Variants in OR7G2 observed in about 807,000 individuals in gnomAD.
OR7G2 encodes the protein olfactory receptor family 7 subfamily G member 2, also known as olfactory receptor 7G2.
For synonymous variants in OR7G2, 153 were observed against 152.2 expected, an observed-to-expected ratio of 1.01 and a Z score of -0.04; for missense variants, 362 against 384.0, an observed-to-expected ratio of 0.94 and a Z score of 0.48.
intron 1 of OR7G2, among the ~76,000 whole-genome samples, chr19:9,104,478 T>G (rs2050374713): frequency 6.6e-6 from 1 of 152,198 alleles, no homozygotes; most frequent in African/African-American, 2.4e-5. Context: ...TAACATTTTG[T>G]CAGTTTGTGT....
At chr19:9,105,096 A>G (rs1370491360) in intron 1 of OR7G2, among the ~76,000 whole-genome samples, 2 of 151,428 alleles carry the variant, frequency 1.3e-5, no homozygotes, top group African/African-American at 4.8e-5. Context: ...TCGTCCTCCA[A>G]AGTAGCTGGG....
intron 1 of OR7G2, 163 bp from the exon 2 acceptor site, chr19:9,103,422 T>A (rs1217188496): frequency 3.2e-6 from 2 of 624,836 alleles, no homozygotes; most frequent in African/African-American, 3.7e-5. Context: ...TAGATGTTTT[T>A]GATAGATGCT....
chr19:9,103,660 C>CAT (rs1299495040), intron 1 of OR7G2, among the ~76,000 whole-genome samples: 2 of 150,120 alleles, frequency 1.3e-5, no homozygotes, highest in Non-Finnish European at 1.5e-5. Flanking sequence ...TGCACACCAC[C>CAT]ATTCCTGGCT....
rs745977354 is a variant in OR7G2, at chr19:9,102,362, A to T, written c.882T>A (p.Asn294Lys). 17 of 1,613,764 alleles carry T rather than the reference A, an allele frequency of 1.1e-5. No individual in the cohort carries two copies. The highest frequency in any genetic ancestry group is 4.5e-5 in the East Asian group (2 of 44,888). Reference protein sequence around the residue: ...MVNPFIYSLRNKDMKGTLRKF... With the variant: ...MVNPFIYSLRKKDMKGTLRKF... ...TCCTCAAGGTTCCTTTCATGTCCTT[A>T]TTCCTCAGACTATAGATAAAGGGGT... The change falls in exon 2 of 2, where the codon AAT (asparagine) becomes AAA (lysine). Residue 294 changes from asparagine (N) to lysine (K), a missense_variant. Physicochemically the swap from Asn to Lys is moderately conservative, Grantham distance 94. Coordinates refer to ENST00000641081, the MANE Select transcript of OR7G2 (RefSeq NM_001005193.2).
chr19:9,105,676 A>T (rs1347298790), intron 1 of OR7G2, among the ~76,000 whole-genome samples: 1 of 151,914 alleles, frequency 6.6e-6, no homozygotes, highest in East Asian at 1.9e-4. Context: ...GTGAAACCCC[A>T]TGTCTATTAA....
chr19:9,101,030 G>A lies in OR7G2; in HGVS notation c.*1239C>T, dbSNP rs2050351198. Reference sequence around the variant, plus strand: ...TGCCTGGAGTCCTAGCTTCCTAGGAGGCTGAGGTAGGAGGGTCCCTGGAGT... The same window carrying A: ...TGCCTGGAGTCCTAGCTTCCTAGGAAGCTGAGGTAGGAGGGTCCCTGGAGT... On this transcript the variant is annotated 3_prime_UTR_variant, in exon 2 of 2. Transcript: ENST00000641081. 1 of 152,396 alleles carries A rather than the reference G, an allele frequency of 6.6e-6. No individual in the cohort carries two copies. The highest frequency in any genetic ancestry group is 1.5e-5 in the Non-Finnish European group (1 of 68,264). The allele number at this position is 152,396 out of a possible 1,614,324, so 9.4% of individuals were successfully genotyped here.
chr19:9,106,647 G>A (rs1388313447), intron 1 of OR7G2, among the ~76,000 whole-genome samples: 6 of 146,278 alleles, frequency 4.1e-5, no homozygotes, highest in Non-Finnish European at 8.9e-5. Flanking sequence ...CTCTACAGGA[G>A]AATCGCTTGA....
Position 9,101,143 on chromosome 19 carries a change from T to C in OR7G2, c.*1126A>G, listed in dbSNP as rs1188194489. ...GCCTAGGTGACAAAGCAAGACCCTG[T>C]CTATGGAAAAAAAGAAACAAAAAAC... On this transcript the variant is annotated 3_prime_UTR_variant, in exon 2 of 2. Transcript: ENST00000641081. The C allele has an allele frequency of 1.3e-5, 2 of 151,826 alleles. No homozygotes were observed. Among genetic ancestry groups the C allele is most frequent in the South Asian group, 4.2e-4 (2 of 4,808 alleles). 9.4% of individuals were successfully genotyped at this position (151,826 alleles called of 1,614,324 possible).
At position 9,102,236 on chromosome 19, in the gene OR7G2, A is replaced by T; in HGVS notation, c.*33T>A. The T allele has an allele frequency of 1.3e-6, 2 of 1,546,684 alleles. No individual in the cohort carries two copies. Among genetic ancestry groups the T allele is most frequent in the Non-Finnish European group, 1.7e-6 (2 of 1,146,960 alleles). On this transcript the variant is annotated 3_prime_UTR_variant, in exon 2 of 2. Coordinates refer to ENST00000641081, the MANE Select transcript of OR7G2 (RefSeq NM_001005193.2). ...AACAAAACAAAACAAAGAGTCAGGCATTCTAGCTCACCAGGAATCCTGTCA... is the reference window on the plus strand; with the variant it reads ...AACAAAACAAAACAAAGAGTCAGGCTTTCTAGCTCACCAGGAATCCTGTCA...
chr19:9,103,485 C>G (rs184781348), intron 1 of OR7G2, among the ~76,000 whole-genome samples: 238 of 141,456 alleles, frequency 1.7e-3, no homozygotes, highest in African/African-American at 5.8e-3. Context: ...TTTTCTTAAT[C>G]AAAAAATGTG....
rs2050362362 is a variant in OR7G2 at position 9,102,788 on chromosome 19, A to G, written c.456T>C (p.Ser152=). ...GGCTGAGAAGAAGGGCATTCACAAC[A>G]CTAGTCAACAGAGAGAGAAGAATCA... ...GLLILLSLLT[S]VVNALLLSLM... The change falls in exon 2 of 2, where the codon AGT becomes AGC. Residue 152 remains serine (S), a synonymous_variant. Transcript: ENST00000641081. 4.3e-6 allele frequency: 7 copies of G among 1,614,008 alleles called. No individual in the cohort carries two copies. The highest frequency in any genetic ancestry group is 4.0e-5 in the African/African-American group (3 of 75,026).
At position 9,102,446 on chromosome 19, in the gene OR7G2, G is replaced by C; in HGVS notation, c.798C>G (p.Asp266Glu). The change falls in exon 2 of 2, where the codon GAC becomes GAG. Residue 266 changes from aspartate to glutamate, a missense_variant. By Grantham distance (45) the Asp-to-Glu change is conservative. Transcript: ENST00000641081. ...LGVYISSVVTDSPRKTAVASV... is the reference protein window; with the variant it reads ...LGVYISSVVTESPRKTAVASV... The stretch of plus-strand genomic sequence containing the variant: ...AAGCCACTGCAGTCTTCCTAGGTGA[G>C]TCAGTAACCACAGAACTAATGTACA... 1 of 1,614,006 alleles carries C rather than the reference G, an allele frequency of 6.2e-7. No individual in the cohort carries two copies. The highest frequency in any genetic ancestry group is 2.2e-5 in the East Asian group (1 of 44,872).
chr19:9,102,122 G>T lies in OR7G2; in HGVS notation c.*147C>A. On this transcript the variant is annotated 3_prime_UTR_variant, in exon 2 of 2. Coordinates refer to ENST00000641081, the MANE Select transcript of OR7G2 (RefSeq NM_001005193.2). ...GGAGGCTGAGGCAGGAGGATGGCTTGAACCCGGAGGCGGAAGTTGCAGTGA... is the reference window on the plus strand; with the variant it reads ...GGAGGCTGAGGCAGGAGGATGGCTTTAACCCGGAGGCGGAAGTTGCAGTGA... 1 of 664,912 alleles carries T rather than the reference G, an allele frequency of 1.5e-6. No individual in the cohort carries two copies. The highest frequency in any genetic ancestry group is 2.5e-6 in the Non-Finnish European group (1 of 399,562). The allele number at this position is 664,912 out of a possible 1,614,324, so 41.2% of individuals were successfully genotyped here.
intron 1 of OR7G2, among the ~76,000 whole-genome samples, chr19:9,103,866 GTT>G (rs74176681): frequency 0.033 from 3,330 of 101,042 alleles, 75 homozygotes; most frequent in African/African-American, 0.078. Flanking sequence ...ATGTGGAAAT[GTT>G]TTTTTTTTTT....
rs750605966 is a variant in OR7G2 at position 9,102,534 on chromosome 19, G to A, written c.710C>T (p.Ala237Val). 7.4e-6 allele frequency: 12 copies of A among 1,614,180 alleles called. No individual in the cohort carries two copies. The highest frequency in any genetic ancestry group is 9.3e-6 in the Non-Finnish European group (11 of 1,180,020). The stretch of plus-strand genomic sequence containing the variant: ...GAGGTGAGACCCACAGGTGGAAACT[G>A]CTTTGTGCTTTCCACTTGCTGATGG... ...RMPSASGKHK[A>V]VSTCGSHLSI... Residue 237 changes from alanine (A) to valine (V), a missense_variant, in exon 2 of 2, where the codon GCA (alanine) becomes GTA (valine). Ala to Val is a moderately conservative substitution (Grantham distance 64). Transcript: ENST00000641081.
chr19:9,107,436 G>C lies in OR7G2; in HGVS notation c.-139C>G, dbSNP rs991794242. On this transcript the variant is annotated 5_prime_UTR_variant, in exon 1 of 2. Transcript: ENST00000641081. ...CCGAGCTGGGTAAGAGATGTTCAGTGAGGTGCTTACAGCCTGACTTGTTGC... is the reference window on the plus strand; with the variant it reads ...CCGAGCTGGGTAAGAGATGTTCAGTCAGGTGCTTACAGCCTGACTTGTTGC... 2 of 152,162 alleles carry C rather than the reference G, an allele frequency of 1.3e-5. No individual in the cohort carries two copies. The highest frequency in any genetic ancestry group is 4.8e-5 in the African/African-American group (2 of 41,434). The allele number at this position is 152,162 out of a possible 1,614,324, so 9.4% of individuals were successfully genotyped here.
chr19:9,104,838 A>C (rs1043715650), intron 1 of OR7G2, among the ~76,000 whole-genome samples: 5 of 151,396 alleles, frequency 3.3e-5, no homozygotes, highest in African/African-American at 4.9e-5. Context: ...AAAAACAAAC[A>C]AACAAATTTT....
Position 9,102,518 on chromosome 19 carries a change from C to A in OR7G2, c.726G>T (p.Gly242=), listed in dbSNP as rs1600203202. The A allele has an allele frequency of 1.2e-6, 2 of 1,614,136 alleles. No homozygotes were observed. Residue 242 remains glycine, a synonymous_variant, in exon 2 of 2, where the codon GGG becomes GGT. Transcript: ENST00000641081. ...ACAAGAGAACAATGGAGAGGTGAGA[C>A]CCACAGGTGGAAACTGCTTTGTGCT... ...SGKHKAVSTC[G]SHLSIVLLFY... is the part of the protein sequence containing the mutation.
At chr19:9,103,532 G>T (rs1041282580) in intron 1 of OR7G2, among the ~76,000 whole-genome samples, 1 of 144,108 alleles carries the variant, frequency 6.9e-6, no homozygotes, top group Non-Finnish European at 1.5e-5. Context: ...TTTGAGACAG[G>T]GTCTCACTCT....
Sources: allele counts gnomAD v4.1 joint callset (sites outside exome capture counted in the v4.1 genomes callset), GRCh38; gene constraint gnomAD v4.1.1; transcripts MANE v1.5; gene names NCBI Gene and HGNC (gene_info 2026-07-23, HGNC 2026-07-21).